STXBP5L: variants seen among roughly 807,000 people sequenced by gnomAD.
STXBP5L encodes syntaxin-binding protein 5-like.
Under a neutral mutation model 144.5 loss-of-function variants are expected in STXBP5L, and 65 were observed. The ratio of observed to expected loss-of-function variants is 0.45; its 90% CI spans 0.37 to 0.55. STXBP5L has a LOEUF of 0.55. STXBP5L is among the 20% of genes least tolerant of loss of function. The probability of loss-of-function intolerance (pLI) is 0.00; values close to 1 mark genes in which losing one functional copy is unlikely to be tolerated. For missense variants in STXBP5L, 1,298 were observed against 1,405.5 expected, an observed-to-expected ratio of 0.92 and a Z score of 1.22; for synonymous variants, 505 against 469.6, an observed-to-expected ratio of 1.08 and a Z score of -0.97.
chr3:120,981,329 A>G (rs1941751533), intron 3 of STXBP5L, among the ~76,000 whole-genome samples: 1 of 152,168 alleles, frequency 6.6e-6, no homozygotes. Flanking sequence ...TGAAACAATG[A>G]TAACTCATAG....
chr3:121,197,839 G>A (rs59634035), intron 9 of STXBP5L, among the ~76,000 whole-genome samples: 2,923 of 152,132 alleles, frequency 0.019, 101 homozygotes, highest in African/African-American at 0.067. Context: ...TCTATTTTAC[G>A]GTTGCATAGT....
chr3:120,933,415 C>A (rs1401955243), intron 2 of STXBP5L, among the ~76,000 whole-genome samples: 1 of 152,030 alleles, frequency 6.6e-6, no homozygotes, highest in East Asian at 1.9e-4. Context: ...AGTGTCACTG[C>A]TGTTTTTTTC....
intron 5 of STXBP5L, among the ~76,000 whole-genome samples, chr3:121,096,109 G>T (rs2043114118): frequency 6.6e-6 from 1 of 151,808 alleles, no homozygotes; most frequent in African/African-American, 2.4e-5. Context: ...CCACTATCCT[G>T]CCCCCCACTG....
chr3:121,216,428 ACAGT>A (rs2048779448), intron 10 of STXBP5L, among the ~76,000 whole-genome samples: 1 of 151,994 alleles, frequency 6.6e-6, no homozygotes, highest in Non-Finnish European at 1.5e-5. Context: ...TTTCCTTCTA[ACAGT>A]CAGGCCCCTC....
intron 3 of STXBP5L, among the ~76,000 whole-genome samples, chr3:120,985,729 T>A (rs1250822503): frequency 2.0e-5 from 3 of 152,020 alleles, no homozygotes; most frequent in Middle Eastern, 6.3e-3. Flanking sequence ...AGGATTGCCT[T>A]ATCATCCTTT....
intron 9 of STXBP5L, among the ~76,000 whole-genome samples, chr3:121,196,328 G>A (rs944937965): frequency 6.6e-6 from 1 of 151,668 alleles, no homozygotes; most frequent in Non-Finnish European, 1.5e-5. Flanking sequence ...TAGTAGAGAT[G>A]GGATTTCATC....
intron 20 of STXBP5L, among the ~76,000 whole-genome samples, chr3:121,375,552 G>C (rs1036001106): frequency 6.6e-6 from 1 of 152,078 alleles, no homozygotes; most frequent in African/African-American, 2.4e-5. Flanking sequence ...TTCAAAATCA[G>C]GATAAGAGAA....
intron 5 of STXBP5L, among the ~76,000 whole-genome samples, chr3:121,087,984 T>A (rs957221865): frequency 6.6e-6 from 1 of 152,156 alleles, no homozygotes; most frequent in Non-Finnish European, 1.5e-5. Context: ...ATAAATTTTA[T>A]TGTTTTTCCC....
intron 20 of STXBP5L, among the ~76,000 whole-genome samples, chr3:121,320,461 C>T (rs1183559141): frequency 6.6e-6 from 1 of 151,726 alleles, no homozygotes; most frequent in African/African-American, 2.4e-5. Context: ...CCATTTTCTC[C>T]TTCTAAAGGA....
intron 9 of STXBP5L, among the ~76,000 whole-genome samples, chr3:121,201,964 C>T (rs1254652551): frequency 1.3e-5 from 2 of 152,174 alleles, no homozygotes; most frequent in Non-Finnish European, 2.9e-5. Flanking sequence ...CCATGTTGGC[C>T]AGGCCGGTGT....
At chr3:121,151,138 TTTCTC>T (rs2045918882) in intron 7 of STXBP5L, among the ~76,000 whole-genome samples, 2 of 151,992 alleles carry the variant, frequency 1.3e-5, no homozygotes, top group Admixed American at 1.3e-4. Context: ...CGTTCATCAT[TTTCTC>T]TTGTATGTAA....
At chr3:121,165,585 C>T (rs1021382189) in intron 9 of STXBP5L, among the ~76,000 whole-genome samples, 1 of 152,062 alleles carries the variant, frequency 6.6e-6, no homozygotes, top group African/African-American at 2.4e-5. Context: ...ATAACACGAC[C>T]ATGAAATGTT....
At chr3:121,178,562 T>A (rs2047021893) in intron 9 of STXBP5L, among the ~76,000 whole-genome samples, 1 of 152,160 alleles carries the variant, frequency 6.6e-6, no homozygotes, top group Non-Finnish European at 1.5e-5. Context: ...AAAAACTCTT[T>A]TTAAAACAAC....
At chr3:120,975,755 A>C (rs534221126) in intron 3 of STXBP5L, among the ~76,000 whole-genome samples, 5 of 151,522 alleles carry the variant, frequency 3.3e-5, no homozygotes, top group South Asian at 2.1e-4. Context: ...TAGCATGAAG[A>C]GTTGTTGAAT....
chr3:121,063,555 G>C (rs1399585428), intron 5 of STXBP5L, among the ~76,000 whole-genome samples: 3 of 152,190 alleles, frequency 2.0e-5, no homozygotes, highest in Admixed American at 2.0e-4. Flanking sequence ...AGAACTAGCA[G>C]CCAGGAATGT....
At chr3:121,345,991 G>T (rs866026286) in intron 20 of STXBP5L, among the ~76,000 whole-genome samples, 1 of 151,222 alleles carries the variant, frequency 6.6e-6, no homozygotes, top group African/African-American at 2.4e-5. Context: ...TTTAGGGTAC[G>T]TGTGCACAAC....
chr3:121,351,260 G>A (rs778524611), intron 20 of STXBP5L, among the ~76,000 whole-genome samples: 2 of 152,142 alleles, frequency 1.3e-5, no homozygotes, highest in African/African-American at 2.4e-5. Flanking sequence ...AGCAACAGAG[G>A]CTGCAGAACA....
At chr3:121,347,546 G>A (rs1229113587) in intron 20 of STXBP5L, among the ~76,000 whole-genome samples, 1 of 152,104 alleles carries the variant, frequency 6.6e-6, no homozygotes, top group Non-Finnish European at 1.5e-5. Context: ...AATTACCTTG[G>A]GCAGTATGGC....
intron 19 of STXBP5L, among the ~76,000 whole-genome samples, chr3:121,309,690 TA>T (rs778897536): frequency 6.6e-5 from 10 of 152,110 alleles, no homozygotes; most frequent in Non-Finnish European, 1.0e-4. Flanking sequence ...AAAAATTATT[TA>T]AATGGAGGGG....
Sources: allele counts gnomAD v4.1 joint callset (sites outside exome capture counted in the v4.1 genomes callset), GRCh38; gene constraint gnomAD v4.1.1; transcripts MANE v1.5; gene names NCBI Gene and HGNC (gene_info 2026-07-23, HGNC 2026-07-21).